The following NCOA2 variants were observed in gnomAD, a reference collection of about 807,000 sequenced individuals.
NCOA2 encodes class E basic helix-loop-helix protein 75.
Under a neutral mutation model 145.1 loss-of-function variants are expected in NCOA2, and 21 were observed. The ratio of observed to expected loss-of-function variants is 0.14; its 90% confidence interval spans 0.10 to 0.21. NCOA2 has a LOEUF of 0.21. Ranked by LOEUF, NCOA2 falls within the 10% of genes least tolerant of loss-of-function variation. NCOA2 has a pLI of 1.00. For synonymous variants in NCOA2, 619 were observed against 637.5 expected (o/e 0.97, Z 0.44); for missense variants, 1,472 against 1,837.6 (o/e 0.80, Z 3.64).
At chr8:70,294,961 C>T (rs75161799) in intron 2 of NCOA2, among the ~76,000 whole-genome samples, 8,354 of 152,196 alleles carry the variant, frequency 0.055, 307 homozygotes, top group East Asian at 0.16. Flanking sequence ...TGTATAATCC[C>T]TAAAATTTTA....
At chr8:70,383,497 T>TTTTTTG (rs767899550) in intron 1 of NCOA2, among the ~76,000 whole-genome samples, 1 of 152,058 alleles carries the variant, frequency 6.6e-6, no homozygotes, top group South Asian at 2.1e-4. Context: ...CATCCTAGTT[T>TTTTTTG]TTTTTGTTTT....
rs1341244558 is a variant in NCOA2 at position 70,277,181 on chromosome 8, A to G, written c.-20+19563T>C. ...TCCTAATTGCTTCAGTGATTACGCAAAAACAAAATGAGACAAATGCCCAAA... is the reference window on the plus strand; with the variant it reads ...TCCTAATTGCTTCAGTGATTACGCAGAAACAAAATGAGACAAATGCCCAAA... On this transcript the variant is annotated intron_variant, in intron 2 of 22. Transcript: ENST00000452400. Among the ~76,000 whole-genome samples, 3 of 152,218 alleles carry G rather than the reference A, an allele frequency of 2.0e-5. No homozygotes were observed. The East Asian group carries it at 5.8e-4, about 29-fold the overall frequency.
At chr8:70,328,228 G>T (rs982957909) in intron 1 of NCOA2, among the ~76,000 whole-genome samples, 1 of 152,174 alleles carries the variant, frequency 6.6e-6, no homozygotes, top group Non-Finnish European at 1.5e-5. Flanking sequence ...ATAGCTATGA[G>T]ATTATGTAAA....
At chr8:70,262,652 G>A (rs544351363) in intron 2 of NCOA2, among the ~76,000 whole-genome samples, 1 of 152,266 alleles carries the variant, frequency 6.6e-6, no homozygotes, top group South Asian at 2.1e-4. Flanking sequence ...AGGACAATGG[G>A]GCCAGTGGAC....
At position 70,402,314 on chromosome 8, in the gene NCOA2, G is replaced by C. The variant is rs548469731; in HGVS notation, c.-77+1386C>G. The C allele has an allele frequency of 2.0e-5, 3 of 152,496 alleles. No individual in the cohort carries two copies. In the South Asian group the frequency reaches 6.2e-4, roughly 32 times the overall value. 9.4% of individuals were successfully genotyped at this position (152,496 alleles called of 1,614,324 possible). A position where few individuals can be genotyped will look rare whatever the true frequency, so the allele number is the denominator to read the frequency against. On this transcript the variant is annotated intron_variant, in intron 1 of 22. Transcript: ENST00000452400. ...CGAGGTGGCGGAGGAAGGTGTTCAG[G>C]CTCGGTCTCTGGTTTGGGAAAGTTT...
At chr8:70,153,415 A>C (rs1350913181) in intron 11 of NCOA2, among the ~76,000 whole-genome samples, 1 of 152,240 alleles carries the variant, frequency 6.6e-6, no homozygotes, top group African/African-American at 2.4e-5. Context: ...AGTTTTTAAA[A>C]AACTCCTCTT....
At chr8:70,435,956 G>C in the NCOA2 span, among the ~76,000 whole-genome samples, 1 of 152,136 alleles carries the variant, frequency 6.6e-6, no homozygotes, top group South Asian at 2.1e-4. Context: ...GTGCCACGAC[G>C]TCTGACATAG....
At chr8:70,339,385 G>C (rs554751325) in intron 1 of NCOA2, among the ~76,000 whole-genome samples, 81 of 149,376 alleles carry the variant, frequency 5.4e-4, no homozygotes, top group African/African-American at 2.0e-3. Context: ...GGGAAGTGAA[G>C]GACATCTTCA....
At chr8:70,385,912 G>A (rs946803394) in intron 1 of NCOA2, among the ~76,000 whole-genome samples, 2 of 151,752 alleles carry the variant, frequency 1.3e-5, no homozygotes, top group African/African-American at 4.8e-5. Flanking sequence ...TGAGGCATTT[G>A]TGTGTAACTT....
rs548314519 is a variant in NCOA2 at position 70,160,731 on chromosome 8, T to C, written c.977-1079A>G. 4.7e-5 allele frequency among the ~76,000 whole-genome samples: 7 copies of C among 149,850 alleles called. No homozygotes were observed. The East Asian group carries it at 1.4e-3, about 29-fold the overall frequency. On this transcript the variant is annotated intron_variant, in intron 9 of 22. Transcript: ENST00000452400. ...ACATATAATGTGGATTCTAATTTCT[T>C]CGTAAAATTTCACTTTAAGCAATTT... is the stretch of plus-strand genomic sequence containing the variant.
At chr8:70,151,439 A>C (rs1811739100) in intron 11 of NCOA2, among the ~76,000 whole-genome samples, 1 of 152,084 alleles carries the variant, frequency 6.6e-6, no homozygotes, top group Admixed American at 6.5e-5. Flanking sequence ...AGGTGTGCAC[A>C]ACCACACCTG....
chr8:70,403,607 A>C, intron 1 of NCOA2, 93 bp downstream of exon 1: 1 of 320,440 alleles, frequency 3.1e-6, no homozygotes. Context: ...CGGCGCAGGA[A>C]GGGCAGTCGC....
chr8:70,148,008 G>T (rs1167591208), intron 12 of NCOA2, among the ~76,000 whole-genome samples: 1 of 152,156 alleles, frequency 6.6e-6, no homozygotes, highest in Non-Finnish European at 1.5e-5. Flanking sequence ...AGGGAAATAT[G>T]ACAATCAGTT....
At chr8:70,374,589 G>A (rs1175168483) in intron 1 of NCOA2, among the ~76,000 whole-genome samples, 2 of 151,930 alleles carry the variant, frequency 1.3e-5, no homozygotes, top group African/African-American at 4.8e-5. Context: ...GATCACTTGA[G>A]CCCTTAAGTT....
intron 1 of NCOA2, among the ~76,000 whole-genome samples, chr8:70,343,810 CAA>C (rs756730046): frequency 1.6e-4 from 18 of 114,988 alleles, no homozygotes; most frequent in Admixed American, 2.7e-4. Context: ...GACCCCATCT[CAA>C]AAAAAAAAAA....
chr8:70,196,446 C>T lies in NCOA2; in HGVS notation c.259+17457G>A, dbSNP rs568058206. Among the ~76,000 whole-genome samples the T allele has an allele frequency of 2.3e-4, 35 of 152,198 alleles. No individual in the cohort carries two copies. In the South Asian group the frequency reaches 3.1e-3, roughly 14 times the overall value. ...TTCACCTATGATGGATATACATCGG[C>T]GATGAAAGCCTGGTTAGAAATGCTT... On this transcript the variant is annotated intron_variant, in intron 4 of 22. Coordinates refer to ENST00000452400, the MANE Select transcript of NCOA2 (RefSeq NM_006540.4).
At chr8:70,141,468 G>A in intron 13 of NCOA2, 69 bp from the exon 14 acceptor site, 1 of 1,342,970 alleles carries the variant, frequency 7.4e-7, no homozygotes, top group South Asian at 1.2e-5. Context: ...ATGAACACCA[G>A]ATGATCTTAC....
intron 1 of NCOA2, among the ~76,000 whole-genome samples, chr8:70,401,115 A>G (rs559923924): frequency 2.4e-4 from 36 of 152,142 alleles, no homozygotes; most frequent in East Asian, 9.7e-4. Context: ...ACACACACAC[A>G]CGCGCACACA....
intron 1 of NCOA2, among the ~76,000 whole-genome samples, chr8:70,400,349 T>C (rs1000449818): frequency 1.3e-5 from 2 of 152,156 alleles, no homozygotes; most frequent in Non-Finnish European, 2.9e-5. Flanking sequence ...CAGCTGACGA[T>C]GCACATCTTT....
Sources: gnomAD v4.1 joint callset for allele counts (sites outside exome capture counted in the v4.1 genomes callset) on GRCh38, gnomAD v4.1.1 for gene constraint, MANE v1.5 for transcripts, NCBI Gene and HGNC (gene_info 2026-07-23, HGNC 2026-07-21) for gene names.